Variants in C9orf72 observed in about 807,000 individuals in gnomAD.
C9orf72 encodes C9orf72-SMCR8 complex subunit, also known as guanine nucleotide exchange factor C9orf72.
C9orf72 carries 44 observed loss-of-function variants against 51.6 expected under a neutral mutation model. The observed-to-expected ratio is 0.85, with a 90% confidence interval of 0.67 to 1.10. The LOEUF (loss-of-function observed/expected upper bound fraction) is 1.10. C9orf72 is among the 50% of genes least tolerant of loss of function. The pLI, the probability that C9orf72 is intolerant of heterozygous loss-of-function variation, is 0.00. For missense variants in C9orf72, 607 were observed against 570.6 expected (o/e 1.06, Z -0.65); for synonymous variants, 213 against 194.2 (o/e 1.10, Z -0.81).
intron 1 of C9orf72, among the ~76,000 whole-genome samples, chr9:27,572,973 T>C (rs941087862): frequency 3.3e-5 from 5 of 152,190 alleles, no homozygotes; most frequent in African/African-American, 1.2e-4. Flanking sequence ...TCATCCCGCA[T>C]GATCTCCTCG....
At chr9:27,550,439 G>T (rs10117558) in intron 9 of C9orf72, among the ~76,000 whole-genome samples, 3,589 of 152,040 alleles carry the variant, frequency 0.024, 139 homozygotes, top group African/African-American at 0.082. Context: ...ATAAATCTAG[G>T]ACAAGAGGCA....
rs1819572131 is a variant in C9orf72 at position 27,570,875 on chromosome 9, A to AAAC, written c.-45+2555_-45+2556insGTT. On this transcript the variant is annotated intron_variant, in intron 1 of 10. Transcript: ENST00000380003. Reference sequence around the variant, plus strand: ...CAGAGAGAGACTCTGCCTCAAGAAAAAAACAAACAAACAAACAAACAAAAA... The same window carrying AAAC: ...CAGAGAGAGACTCTGCCTCAAGAAAAAACAAACAAACAAACAAACAAACAAAAA... 4.0e-5 allele frequency among the ~76,000 whole-genome samples: 6 copies of AAAC among 151,532 alleles called. No homozygotes were observed. In the South Asian group the frequency reaches 8.3e-4, roughly 21 times the overall value.
chr9:27,553,415 C>G (rs1036919333), intron 8 of C9orf72, among the ~76,000 whole-genome samples: 4 of 152,156 alleles, frequency 2.6e-5, no homozygotes, highest in Non-Finnish European at 5.9e-5. Flanking sequence ...CACACACTTA[C>G]AACCATCTGA....
chr9:27,557,568 T>A (rs1409340561), intron 7 of C9orf72, among the ~76,000 whole-genome samples: 1 of 152,152 alleles, frequency 6.6e-6, no homozygotes, highest in East Asian at 1.9e-4. Context: ...AGGCATCTGG[T>A]ATAGGTCCCT....
In C9orf72 at chr9:27,558,575, T is replaced by C. The variant is rs1169081203; in HGVS notation, c.771A>G (p.Pro257=). 4 of 1,605,674 alleles carry C rather than the reference T, an allele frequency of 2.5e-6. No individual in the cohort carries two copies. Among genetic ancestry groups the C allele is most frequent in the Non-Finnish European group, 3.4e-6 (4 of 1,176,160 alleles). Residue 257 remains proline (P), a synonymous_variant, in exon 7 of 11, where the codon CCA becomes CCG. Transcript: ENST00000380003. ...ATAACCTGGAGCATTTTCTCTCTGC[T>C]GGAGTCAGAAAAAGGCATAATGTTC... The part of the protein sequence containing the change: ...IVRTLCLFLT[P]AERKCSRLCE...
rs1002572614 is a variant in C9orf72 at position 27,547,522 on chromosome 9, C to G, written c.*714G>C. The G allele has an allele frequency of 6.6e-6, 1 of 152,558 alleles. No homozygotes were observed. The highest frequency in any genetic ancestry group is 1.5e-5 in the Non-Finnish European group (1 of 67,998). The allele number at this position is 152,558 out of a possible 1,614,324, so 9.5% of individuals were successfully genotyped here. A position where few individuals can be genotyped will look rare whatever the true frequency, so the allele number is the denominator to read the frequency against. ...GCAACAATTACTAAAACATAAAATA[C>G]AATTTCCTTTTACAGAGCTCAACTA... On this transcript the variant is annotated 3_prime_UTR_variant, in exon 11 of 11. Coordinates refer to ENST00000380003, the MANE Select transcript of C9orf72 (RefSeq NM_018325.5).
intron 2 of C9orf72, among the ~76,000 whole-genome samples, 182 bp from the exon 3 acceptor site, chr9:27,565,772 C>A (rs1343458551): frequency 6.6e-6 from 1 of 151,938 alleles, no homozygotes; most frequent in Non-Finnish European, 1.5e-5. Flanking sequence ...ATAAACAATA[C>A]AAAATAAAAT....
chr9:27,567,585 C>G (rs1819497881), intron 1 of C9orf72, among the ~76,000 whole-genome samples: 1 of 152,138 alleles, frequency 6.6e-6, no homozygotes, highest in African/African-American at 2.4e-5. Context: ...AAGGGAAAGG[C>G]TCAGCTAGAG....
intron 3 of C9orf72, among the ~76,000 whole-genome samples, chr9:27,565,327 C>A (rs1162973285): frequency 6.6e-6 from 1 of 151,920 alleles, no homozygotes. Context: ...TTTGTAGATG[C>A]AATTACTATT....
At chr9:27,553,206 C>T (rs1820944016) in intron 8 of C9orf72, among the ~76,000 whole-genome samples, 1 of 152,018 alleles carries the variant, frequency 6.6e-6, no homozygotes, top group African/African-American at 2.4e-5. Flanking sequence ...TTCACAAAAC[C>T]AGAAAAAACT....
rs1397318269 is a variant in C9orf72 at position 27,556,696 on chromosome 9, G to T, written c.956C>A (p.Pro319Gln). The change falls in exon 8 of 11, where the codon CCA becomes CAA. Residue 319 changes from proline (P) to glutamine (Q), a missense_variant. Transcript: ENST00000380003. The stretch of plus-strand genomic sequence containing the variant: ...ATTATAAATATGTTCATGACAGGGT[G>T]GCATCTGCTTCACAGTATTGACATC... ...DVDVNTVKQM[P>Q]PCHEHIYNQR... The T allele has an allele frequency of 1.9e-6, 3 of 1,613,734 alleles. No homozygotes were observed. Among genetic ancestry groups the T allele is most frequent in the Non-Finnish European group, 2.5e-6 (3 of 1,179,828 alleles).
chr9:27,552,057 T>C (rs73440934), intron 8 of C9orf72, among the ~76,000 whole-genome samples: 2,799 of 152,264 alleles, frequency 0.018, 90 homozygotes, highest in African/African-American at 0.063. Context: ...GCAGAGACTA[T>C]GAGATTTTCT....
chr9:27,556,294 C>T (rs1819195615), intron 8 of C9orf72, among the ~76,000 whole-genome samples: 1 of 151,962 alleles, frequency 6.6e-6, no homozygotes, highest in Admixed American at 6.6e-5. Flanking sequence ...GTACCTAGAA[C>T]AGTGCCTAGG....
intron 8 of C9orf72, among the ~76,000 whole-genome samples, chr9:27,553,424 G>A (rs1820948552): frequency 1.3e-5 from 2 of 152,082 alleles, no homozygotes; most frequent in African/African-American, 2.4e-5. Context: ...ACAACCATCT[G>A]ATCTTCAACA....
intron 5 of C9orf72, chr9:27,560,609 T>C: frequency 1.0e-6 from 1 of 990,486 alleles, no homozygotes. Flanking sequence ...AGAGATTAAG[T>C]GACTTACTTA....
At chr9:27,556,480 A>G in intron 8 of C9orf72, 81 bp downstream of exon 8, 1 of 878,502 alleles carries the variant, frequency 1.1e-6, no homozygotes, top group African/African-American at 1.7e-5. Context: ...TTTTAAATGC[A>G]ACTTCTGTTT....
At chr9:27,553,711 C>G (rs939753400) in intron 8 of C9orf72, among the ~76,000 whole-genome samples, 3 of 151,764 alleles carry the variant, frequency 2.0e-5, no homozygotes, top group Admixed American at 2.0e-4. Context: ...ACAAATGGGA[C>G]CTAACGAGCT....
At chr9:27,553,914 T>C (rs1457282484) in intron 8 of C9orf72, among the ~76,000 whole-genome samples, 2 of 152,014 alleles carry the variant, frequency 1.3e-5, no homozygotes, top group Non-Finnish European at 1.5e-5. Context: ...GAAGAATATA[T>C]ACAGACAGCT....
chr9:27,549,022 C>T (rs985203449), intron 9 of C9orf72, among the ~76,000 whole-genome samples: 9 of 151,910 alleles, frequency 5.9e-5, no homozygotes, highest in African/African-American at 1.9e-4. Context: ...TTTTTGTATA[C>T]TTAGTAGAGA....
Sources: gnomAD v4.1 joint callset for allele counts (sites outside exome capture counted in the v4.1 genomes callset) on GRCh38, gnomAD v4.1.1 for gene constraint, MANE v1.5 for transcripts, NCBI Gene and HGNC (gene_info 2026-07-23, HGNC 2026-07-21) for gene names.